Variants in IDO2 observed in about 807,000 individuals in gnomAD.
IDO2 encodes the protein indoleamine 2,3-dioxygenase-like 1 protein.
A neutral mutation model predicts 45.1 loss-of-function variants in IDO2; 46 were observed. The ratio of observed to expected loss-of-function variants is 1.02; its 90% confidence interval spans 0.80 to 1.30. The LOEUF (loss-of-function observed/expected upper bound fraction) is 1.30. Among genes scored for constraint, IDO2 ranks in the 50% most tolerant of loss-of-function variants. The probability of loss-of-function intolerance (pLI) is 0.00; values close to 1 mark genes in which losing one functional copy is unlikely to be tolerated. For missense variants in IDO2, 544 were observed against 491.8 expected (o/e 1.11, Z -1.00); for synonymous variants, 218 against 184.9 (o/e 1.18, Z -1.45).
At chr8:39,976,381 C>T (rs1273464730) in intron 3 of IDO2, among the ~76,000 whole-genome samples, 4 of 152,054 alleles carry the variant, frequency 2.6e-5, no homozygotes, top group African/African-American at 9.7e-5. Context: ...TCTCAAGGAG[C>T]AAGCAGGATA....
chr8:39,961,886 C>G (rs1228156647), intron 2 of IDO2, among the ~76,000 whole-genome samples: 2 of 152,116 alleles, frequency 1.3e-5, no homozygotes, highest in Middle Eastern at 3.2e-3. Flanking sequence ...TTCAATTGTG[C>G]AGGTTATGCA....
intron 8 of IDO2, among the ~76,000 whole-genome samples, chr8:39,991,884 TAGGCCC>T (rs1801937734): frequency 1.3e-5 from 2 of 152,234 alleles, no homozygotes; most frequent in African/African-American, 4.8e-5. Context: ...ACTCACTTTT[TAGGCCC>T]AGGCCAACCT....
At chr8:39,959,146 G>A (rs1464449067) in intron 2 of IDO2, among the ~76,000 whole-genome samples, 1 of 147,400 alleles carries the variant, frequency 6.8e-6, no homozygotes, top group Admixed American at 6.9e-5. Flanking sequence ...GTCTCGCTCT[G>A]TCGCCCAGGC....
chr8:39,995,197 T>TCTCCTTCTCCTTCTCCTTCTC (rs71220809), intron 8 of IDO2: 6 of 80,608 alleles, frequency 7.4e-5, no homozygotes, highest in African/African-American at 3.1e-4. Flanking sequence ...TTCTTCTTCT[T>TCTCCTTCTCCTTCTCCTTCTC]CTTCTCCTTC....
chr8:40,004,525 T>TGATAGATAGATAGATAGATAGATA (rs201569450), intron 8 of IDO2, among the ~76,000 whole-genome samples: 1 of 144,398 alleles, frequency 6.9e-6, no homozygotes, highest in Admixed American at 7.0e-5. Flanking sequence ...GACAGACAGA[T>TGATAGATAGATAGATAGATAGATA]GATAGATAGA....
chr8:40,015,246 G>A lies in IDO2; in HGVS notation c.869-1G>A. The A allele has an allele frequency of 6.4e-7, 1 of 1,559,630 alleles. No homozygotes were observed. The highest frequency in any genetic ancestry group is 1.1e-5 in the South Asian group (1 of 87,894). On this transcript the variant is annotated splice_acceptor_variant, in intron 10 of 10. Transcript: ENST00000502986. LOFTEE classifies it high-confidence loss of function. The stretch of plus-strand genomic sequence containing the variant: ...ACGTTATGCTGTATTGTTTCTTTCA[G>A]GTGACTTTCTGTACAGAATGAGGGA...
intron 3 of IDO2, among the ~76,000 whole-genome samples, chr8:39,969,294 T>C (rs925330028): frequency 6.6e-6 from 1 of 152,214 alleles, no homozygotes; most frequent in East Asian, 1.9e-4. Context: ...AAACTTTTTC[T>C]TTACTATTAC....
At chr8:39,963,130 G>A (rs1160580542) in intron 2 of IDO2, among the ~76,000 whole-genome samples, 1 of 152,148 alleles carries the variant, frequency 6.6e-6, no homozygotes, top group African/African-American at 2.4e-5. Context: ...TAGCAACACT[G>A]AGTCATCTTT....
At chr8:39,994,497 T>G (rs554994048) in intron 8 of IDO2, among the ~76,000 whole-genome samples, 1 of 152,288 alleles carries the variant, frequency 6.6e-6, no homozygotes, top group African/African-American at 2.4e-5. Flanking sequence ...CCTTAGGTGA[T>G]CTGCCCACCT....
chr8:39,954,649 C>T (rs1216312892), intron 2 of IDO2, among the ~76,000 whole-genome samples: 2 of 84,732 alleles, frequency 2.4e-5, no homozygotes, highest in African/African-American at 9.2e-5. Context: ...GTCTCTCTCT[C>T]TTTTTTTTTT....
At chr8:40,001,221 T>C (rs7837357) in intron 8 of IDO2, among the ~76,000 whole-genome samples, 24,989 of 149,592 alleles carry the variant, frequency 0.17, 2,525 homozygotes, top group East Asian at 0.34. Flanking sequence ...GTGCCTATTT[T>C]CTGTAAAATA....
At chr8:39,951,417 C>T (rs1807813412) in intron 2 of IDO2, among the ~76,000 whole-genome samples, 1 of 151,826 alleles carries the variant, frequency 6.6e-6, no homozygotes, top group Non-Finnish European at 1.5e-5. Flanking sequence ...TTGTTAGGTA[C>T]TGGATGGACG....
intron 7 of IDO2, 94 bp from the exon 8 acceptor site, chr8:39,989,627 G>T (rs1423190536): frequency 1.2e-6 from 1 of 855,596 alleles, no homozygotes; most frequent in Non-Finnish European, 1.8e-6. Context: ...AAACTGTCCG[G>T]TCCTCCCCTG....
intron 8 of IDO2, among the ~76,000 whole-genome samples, chr8:39,997,679 T>A (rs1802067139): frequency 6.6e-6 from 1 of 152,056 alleles, no homozygotes. Context: ...TAAATAAATA[T>A]CTTTTATGAA....
chr8:40,005,442 G>A lies in IDO2; in HGVS notation c.719+64G>A, dbSNP rs897531497. ...GTAGCATTGACTGAATGTATAAGGGGACGAAGAGACAGAAGCTTCCTAGCG... is the reference window on the plus strand; with the variant it reads ...GTAGCATTGACTGAATGTATAAGGGAACGAAGAGACAGAAGCTTCCTAGCG... On this transcript the variant is annotated intron_variant, in intron 9 of 10. Coordinates refer to ENST00000502986, the Ensembl canonical transcript of IDO2. The A allele has an allele frequency of 1.0e-5, 11 of 1,054,354 alleles. No homozygotes were observed. The African/African-American group carries it at 1.6e-4, about 15-fold the overall frequency. The allele number at this position is 1,054,354 out of a possible 1,614,324, so 65.3% of individuals were successfully genotyped here.
chr8:39,958,944 A>C (rs1807946414), intron 2 of IDO2, among the ~76,000 whole-genome samples: 1 of 152,212 alleles, frequency 6.6e-6, no homozygotes, highest in African/African-American at 2.4e-5. Context: ...ATCCAGAAAC[A>C]AAAGAATGGC....
chr8:40,003,197 C>T (rs10808930), intron 8 of IDO2, among the ~76,000 whole-genome samples: 69,859 of 151,542 alleles, frequency 0.46, 16,715 homozygotes, highest in South Asian at 0.54. Flanking sequence ...TGGTAAAGTC[C>T]CATCTCTACT....
chr8:40,001,868 C>A (rs188372089), intron 8 of IDO2, among the ~76,000 whole-genome samples: 10 of 152,098 alleles, frequency 6.6e-5, no homozygotes, highest in South Asian at 2.1e-4. Context: ...CTCACTGCAA[C>A]CTCTGCCTCC....
At chr8:40,003,933 T>C (rs566453517) in intron 8 of IDO2, among the ~76,000 whole-genome samples, 2 of 152,304 alleles carry the variant, frequency 1.3e-5, no homozygotes, top group African/African-American at 2.4e-5. Flanking sequence ...TTTCTGCATG[T>C]TTGTTTTCAT....
Sources: gnomAD v4.1 joint callset for allele counts (sites outside exome capture counted in the v4.1 genomes callset) on GRCh38, gnomAD v4.1.1 for gene constraint, MANE v1.5 for transcripts, NCBI Gene and HGNC (gene_info 2026-07-23, HGNC 2026-07-21) for gene names.